The following TNRC6A variants were observed in gnomAD, a reference collection of about 807,000 sequenced individuals.
TNRC6A encodes trinucleotide repeat-containing gene 6A protein.
TNRC6A carries 44 observed loss-of-function variants against 221.2 expected under a neutral mutation model. The ratio of observed to expected loss-of-function variants is 0.20; its 90% CI spans 0.16 to 0.26. The LOEUF (loss-of-function observed/expected upper bound fraction) is 0.26, where lower values mean the gene tolerates loss of function less well. Ranked by LOEUF, TNRC6A falls within the 10% of genes least tolerant of loss-of-function variation. The pLI, the probability that TNRC6A is intolerant of heterozygous loss-of-function variation, is 1.00. For synonymous variants in TNRC6A, 847 were observed against 838.5 expected, an observed-to-expected ratio of 1.01 and a Z score of -0.18; for missense variants, 2,199 against 2,404.4, an observed-to-expected ratio of 0.91 and a Z score of 1.79.
At chr16:24,776,794 A>G (rs763048400) in intron 4 of TNRC6A, 139 bp from the exon 5 acceptor site, 37 of 1,469,994 alleles carry the variant, frequency 2.5e-5, no homozygotes, top group Non-Finnish European at 3.2e-5. Flanking sequence ...TGAGCCTGTA[A>G]ATGAGGATAT....
intron 2 of TNRC6A, among the ~76,000 whole-genome samples, chr16:24,722,865 G>A (rs528674419): frequency 2.4e-4 from 36 of 152,306 alleles, no homozygotes; most frequent in Non-Finnish European, 4.0e-4. Flanking sequence ...GACAAAGAAA[G>A]CAGATTAGAG....
chr16:24,674,499 T>A (rs1457180308), intron 2 of TNRC6A, among the ~76,000 whole-genome samples: 1 of 152,152 alleles, frequency 6.6e-6, no homozygotes, highest in Non-Finnish European at 1.5e-5. Flanking sequence ...ATGGCATTAA[T>A]AATCTGGAAC....
At chr16:24,680,622 C>T (rs1035998770) in intron 2 of TNRC6A, among the ~76,000 whole-genome samples, 20 of 148,946 alleles carry the variant, frequency 1.3e-4, no homozygotes, top group East Asian at 4.0e-4. Context: ...GAGGCTGAGG[C>T]GGAAGAATCA....
intron 15 of TNRC6A, 98 bp from the exon 16 acceptor site, chr16:24,806,108 C>T (rs978325618): frequency 1.5e-6 from 2 of 1,337,850 alleles, no homozygotes; most frequent in Non-Finnish European, 2.1e-6. Flanking sequence ...TTGGCTAGAT[C>T]ACGTCGTGCC....
At chr16:24,782,556 A>G (rs934814802) in intron 5 of TNRC6A, among the ~76,000 whole-genome samples, 5 of 152,184 alleles carry the variant, frequency 3.3e-5, no homozygotes, top group African/African-American at 1.2e-4. Context: ...AAGAATAACC[A>G]GATGAGACAT....
intron 11 of TNRC6A, among the ~76,000 whole-genome samples, chr16:24,800,304 C>T (rs2151949636): frequency 6.6e-6 from 1 of 152,364 alleles, no homozygotes; most frequent in Non-Finnish European, 1.5e-5. Flanking sequence ...CCTCCTACGA[C>T]AGATGCCCAC....
chr16:24,808,331 CAA>C (rs1199686040), intron 17 of TNRC6A, among the ~76,000 whole-genome samples: 1 of 152,208 alleles, frequency 6.6e-6, no homozygotes, highest in Non-Finnish European at 1.5e-5. Context: ...ATGCAAATAC[CAA>C]TACAGTTATC....
intron 2 of TNRC6A, among the ~76,000 whole-genome samples, chr16:24,667,149 C>A (rs1047089499): frequency 2.0e-5 from 3 of 152,064 alleles, no homozygotes; most frequent in Non-Finnish European, 4.4e-5. Flanking sequence ...GAACACCACT[C>A]TTTACTGCTT....
intron 1 of TNRC6A, among the ~76,000 whole-genome samples, chr16:24,621,192 A>G (rs1036719645): frequency 4.0e-5 from 6 of 151,878 alleles, no homozygotes; most frequent in Non-Finnish European, 7.4e-5. Context: ...ATAATTTTAA[A>G]AAAAACATGT....
intron 3 of TNRC6A, among the ~76,000 whole-genome samples, chr16:24,756,221 C>T (rs368905057): frequency 6.6e-6 from 1 of 152,176 alleles, no homozygotes; most frequent in East Asian, 1.9e-4. Context: ...TTGCTCATCT[C>T]AGTTCAGACT....
chr16:24,689,005 GT>G (rs1158274176), intron 2 of TNRC6A, among the ~76,000 whole-genome samples: 3 of 152,150 alleles, frequency 2.0e-5, no homozygotes, highest in Non-Finnish European at 2.9e-5. Flanking sequence ...GTTCGGGGCT[GT>G]CATGGTCTAT....
intron 1 of TNRC6A, among the ~76,000 whole-genome samples, chr16:24,638,508 T>TTTG (rs1901757097): frequency 6.6e-6 from 1 of 150,904 alleles, no homozygotes; most frequent in Admixed American, 6.6e-5. Flanking sequence ...AGGCCAGGAG[T>TTTG]TCAAGACCAG....
intron 2 of TNRC6A, chr16:24,671,106 C>A: frequency 3.9e-6 from 1 of 254,136 alleles, no homozygotes. Flanking sequence ...AGGTCACCCA[C>A]CACCAGCACC....
chr16:24,640,679 A>T (rs1425236908), intron 1 of TNRC6A, among the ~76,000 whole-genome samples: 2 of 151,540 alleles, frequency 1.3e-5, no homozygotes, highest in Non-Finnish European at 2.9e-5. Flanking sequence ...CAGTGAACCA[A>T]GATCAAGCCA....
intron 2 of TNRC6A, among the ~76,000 whole-genome samples, chr16:24,684,283 G>C (rs1237287203): frequency 6.6e-6 from 1 of 151,976 alleles, no homozygotes; most frequent in Non-Finnish European, 1.5e-5. Flanking sequence ...GTGGCACGTG[G>C]GGTCCCAGCT....
At chr16:24,727,423 G>A (rs185505105), upstream of TNRC6A, among the ~76,000 whole-genome samples, 360 of 152,242 alleles carry the variant, frequency 2.4e-3, 2 homozygotes, top group Non-Finnish European at 3.9e-3. Context: ...AGATACTCCC[G>A]TGTTGTAGGG....
At chr16:24,676,324 T>C (rs1281681285) in intron 2 of TNRC6A, among the ~76,000 whole-genome samples, 1 of 152,148 alleles carries the variant, frequency 6.6e-6, no homozygotes, top group African/African-American at 2.4e-5. Flanking sequence ...AGATGGAGTC[T>C]CTTGCTCTGT....
chr16:24,771,410 C>G (rs1325025897), intron 4 of TNRC6A, among the ~76,000 whole-genome samples: 1 of 152,056 alleles, frequency 6.6e-6, no homozygotes, highest in East Asian at 1.9e-4. Context: ...TCTTTTGAAC[C>G]TATACTTCTT....
At chr16:24,765,132 T>C (rs2057446079) in intron 4 of TNRC6A, among the ~76,000 whole-genome samples, 1 of 152,186 alleles carries the variant, frequency 6.6e-6, no homozygotes, top group Non-Finnish European at 1.5e-5. Flanking sequence ...AGTTCCAGTT[T>C]TAATTTTTGT....
Sources: gnomAD v4.1 joint callset for allele counts (sites outside exome capture counted in the v4.1 genomes callset) on GRCh38, gnomAD v4.1.1 for gene constraint, MANE v1.5 for transcripts, NCBI Gene and HGNC (gene_info 2026-07-23, HGNC 2026-07-21) for gene names.